The following TAOK3 variants were observed in gnomAD, a reference collection of about 807,000 sequenced individuals.
TAOK3 encodes serine/threonine-protein kinase TAO3.
Under a neutral mutation model 120.4 loss-of-function variants are expected in TAOK3, and 40 were observed. That is an observed-to-expected ratio of 0.33 (90% confidence interval 0.26 to 0.43). The LOEUF is 0.43. Among genes scored for constraint, TAOK3 ranks in the 20% least tolerant of loss-of-function variants. The pLI, the probability that TAOK3 is intolerant of heterozygous loss-of-function variation, is 1.00. For missense variants in TAOK3, 821 were observed against 1,112.1 expected (o/e 0.74, Z 3.72); for synonymous variants, 355 against 387.5 (o/e 0.92, Z 0.99).
At chr12:118,369,324 C>A (rs190931575) in intron 1 of TAOK3, among the ~76,000 whole-genome samples, 40 of 152,284 alleles carry the variant, frequency 2.6e-4, no homozygotes, top group Admixed American at 6.5e-4. Flanking sequence ...ACTCTCCTAA[C>A]CCCCCAGGGA....
intron 14 of TAOK3, among the ~76,000 whole-genome samples, chr12:118,183,804 C>T (rs185019178): frequency 1.1e-4 from 16 of 152,274 alleles, no homozygotes; most frequent in African/African-American, 3.8e-4. Context: ...TTTTAGCATT[C>T]CTTCTTTAAT....
chr12:118,200,435 C>T (rs745463370), intron 12 of TAOK3: 17 of 152,140 alleles, frequency 1.1e-4, no homozygotes, highest in Non-Finnish European at 2.4e-4. Flanking sequence ...ATGCTGCCCA[C>T]TCTTACTTTT....
chr12:118,163,689 T>C (rs1166522580), intron 17 of TAOK3, among the ~76,000 whole-genome samples: 2 of 151,942 alleles, frequency 1.3e-5, no homozygotes, highest in African/African-American at 4.8e-5. Flanking sequence ...TGCTATAAGA[T>C]TTCTGAAAAG....
At position 118,342,957 on chromosome 12, in the gene TAOK3, A is replaced by G. The variant is rs7294485; in HGVS notation, c.-194+29691T>C. Reference sequence around the variant, plus strand: ...TGCTAAAAAAAAAAAAAAAAAAAAAAAGAGAGAGAGAGAGAGAGAGAAATG... The same window carrying G: ...TGCTAAAAAAAAAAAAAAAAAAAAAGAGAGAGAGAGAGAGAGAGAGAAATG... On this transcript the variant is annotated intron_variant, in intron 1 of 20. Transcript: ENST00000392533. 5.3e-3 allele frequency among the ~76,000 whole-genome samples: 636 copies of G among 120,184 alleles called. 1 individual carries two copies. The highest frequency in any genetic ancestry group is 8.1e-3 in the Non-Finnish European group (477 of 58,746). The allele number at this position is 120,184 out of a possible 152,430, so 78.8% of individuals were successfully genotyped here.
intron 1 of TAOK3, among the ~76,000 whole-genome samples, chr12:118,277,808 A>G (rs1219470799): frequency 6.6e-6 from 1 of 152,148 alleles, no homozygotes; most frequent in African/African-American, 2.4e-5. Flanking sequence ...ACATAACATT[A>G]AAAAAGTTGT....
At chr12:118,303,232 A>C (rs747817091) in intron 1 of TAOK3, among the ~76,000 whole-genome samples, 4 of 152,020 alleles carry the variant, frequency 2.6e-5, no homozygotes, top group Non-Finnish European at 5.9e-5. Flanking sequence ...CCCATTCCTT[A>C]TCCTCCTCCT....
At chr12:118,207,364 A>G (rs986634331) in intron 11 of TAOK3, among the ~76,000 whole-genome samples, 2 of 151,978 alleles carry the variant, frequency 1.3e-5, no homozygotes, top group East Asian at 1.9e-4. Context: ...ATCACCCGAA[A>G]TTCTACCATC....
At chr12:118,277,957 C>G (rs868271386) in intron 1 of TAOK3, among the ~76,000 whole-genome samples, 1 of 152,126 alleles carries the variant, frequency 6.6e-6, no homozygotes, top group Non-Finnish European at 1.5e-5. Context: ...AAACTGCATA[C>G]AGCTCTAATT....
At chr12:118,151,571 C>G (rs2034443845) in intron 20 of TAOK3, among the ~76,000 whole-genome samples, 1 of 152,096 alleles carries the variant, frequency 6.6e-6, no homozygotes, top group Non-Finnish European at 1.5e-5. Flanking sequence ...CAAATGCCTC[C>G]TGGGTCATTA....
intron 1 of TAOK3, 98 bp from the exon 2 acceptor site, chr12:118,266,857 A>G (rs1201299782): frequency 2.6e-6 from 1 of 382,650 alleles, no homozygotes; most frequent in African/African-American, 2.1e-5. Flanking sequence ...ATGTAATATT[A>G]CAAAGTTAAA....
intron 9 of TAOK3, among the ~76,000 whole-genome samples, chr12:118,222,342 T>G (rs1399390604): frequency 6.6e-6 from 1 of 151,964 alleles, no homozygotes; most frequent in Non-Finnish European, 1.5e-5. Context: ...AGATGATCCT[T>G]GCTAACAGGG....
intron 12 of TAOK3, chr12:118,200,699 G>A (rs893082515): frequency 1.3e-5 from 2 of 152,090 alleles, no homozygotes; most frequent in African/African-American, 4.8e-5. Flanking sequence ...CTTTCTCCCT[G>A]GTTCTTTTTC....
chr12:118,339,157 T>G (rs1819033844), intron 1 of TAOK3, among the ~76,000 whole-genome samples: 1 of 152,090 alleles, frequency 6.6e-6, no homozygotes, highest in African/African-American at 2.4e-5. Context: ...TAATCAGATT[T>G]GTCACTTATT....
intron 1 of TAOK3, among the ~76,000 whole-genome samples, chr12:118,292,043 G>A (rs113764840): frequency 0.022 from 3,323 of 152,154 alleles, 68 homozygotes; most frequent in Middle Eastern, 0.065. Flanking sequence ...TCCTGACCTC[G>A]TGATCTGCTG....
intron 14 of TAOK3, among the ~76,000 whole-genome samples, chr12:118,182,043 G>A (rs1055352538): frequency 2.6e-5 from 4 of 152,014 alleles, no homozygotes. Flanking sequence ...AAATTAGCCA[G>A]GCATGGTGGT....
At chr12:118,329,568 T>C (rs2044064475) in intron 1 of TAOK3, among the ~76,000 whole-genome samples, 1 of 152,180 alleles carries the variant, frequency 6.6e-6, no homozygotes, top group African/African-American at 2.4e-5. Flanking sequence ...ATCTTCCATA[T>C]GTCCCATACT....
intron 17 of TAOK3, among the ~76,000 whole-genome samples, chr12:118,162,654 A>ATTTTTGTAGCTG (rs2035296713): frequency 7.2e-5 from 11 of 152,070 alleles, no homozygotes; most frequent in African/African-American, 2.7e-4. Context: ...TCAGAGTTCA[A>ATTTTTGTAGCTG]GGCATGTTGG....
chr12:118,234,179 C>T (rs1593246582), intron 8 of TAOK3, among the ~76,000 whole-genome samples: 2 of 104,122 alleles, frequency 1.9e-5, no homozygotes, highest in African/African-American at 7.2e-5. Context: ...AAGTATTTTT[C>T]ATATTGTTTA....
At chr12:118,309,170 A>G (rs1274121246) in intron 1 of TAOK3, among the ~76,000 whole-genome samples, 3 of 151,376 alleles carry the variant, frequency 2.0e-5, no homozygotes, top group African/African-American at 7.3e-5. Context: ...CTCTACTACA[A>G]ATACAAAAAT....
Sources: gnomAD v4.1 joint callset for allele counts (sites outside exome capture counted in the v4.1 genomes callset) on GRCh38, gnomAD v4.1.1 for gene constraint, MANE v1.5 for transcripts, NCBI Gene and HGNC (gene_info 2026-07-23, HGNC 2026-07-21) for gene names.